PSG8: variants seen among roughly 807,000 people sequenced by gnomAD.
PSG8 encodes pregnancy-specific beta-1-glycoprotein 8.
In PSG8, 57 loss-of-function variants were observed where a neutral mutation model predicts 42.5. The ratio of observed to expected loss-of-function variants is 1.34; its 90% CI spans 1.08 to 1.67. The LOEUF (loss-of-function observed/expected upper bound fraction) is 1.67, where lower values mean the gene tolerates loss of function less well. Ranked by LOEUF, PSG8 falls within the 40% of genes most tolerant of loss-of-function variation. The pLI is 0.00. For synonymous variants in PSG8, 280 were observed against 196.8 expected (o/e 1.42, Z -3.54); for missense variants, 783 against 518.6 (o/e 1.51, Z -4.95).
intron 2 of PSG8, among the ~76,000 whole-genome samples, chr19:42,759,338 G>A (rs779266414): frequency 7.2e-5 from 11 of 152,102 alleles, no homozygotes; most frequent in Non-Finnish European, 1.0e-4. Context: ...GCAATAGGGC[G>A]TTGTTCCATG....
Position 42,755,730 on chromosome 19 carries a change from T to C in PSG8, c.710-464A>G, listed in dbSNP as rs565523851. 17 of 187,610 alleles carry C rather than the reference T, an allele frequency of 9.1e-5. No homozygotes were observed. In the East Asian group the frequency reaches 1.8e-3, roughly 20 times the overall value. 11.6% of individuals were successfully genotyped at this position (187,610 alleles called of 1,614,324 possible). A position where few individuals can be genotyped will look rare whatever the true frequency, so the allele number is the denominator to read the frequency against. ...TGAGTAATGATGGGACTACCCATGG[T>C]CCTGAAACCCTGAAGATACTGAGCA... On this transcript the variant is annotated intron_variant, in intron 3 of 4. Coordinates refer to ENST00000306511, the MANE Select transcript of PSG8 (RefSeq NM_182707.3).
chr19:42,759,431 G>A (rs1038866710), intron 2 of PSG8, among the ~76,000 whole-genome samples: 4 of 152,116 alleles, frequency 2.6e-5, no homozygotes, highest in Non-Finnish European at 5.9e-5. Flanking sequence ...TACAGATAAA[G>A]TGCTCCTTAT....
intron 2 of PSG8, 147 bp downstream of exon 2, chr19:42,763,769 G>A: frequency 6.9e-7 from 1 of 1,452,318 alleles, no homozygotes; most frequent in South Asian, 1.2e-5. Flanking sequence ...TCTCCTCTGT[G>A]TGTGTCCTGC....
At chr19:42,755,319 A>G in intron 3 of PSG8, 53 bp from the exon 4 acceptor site, 8 of 1,589,890 alleles carry the variant, frequency 5.0e-6, no homozygotes, top group Non-Finnish European at 6.8e-6. Flanking sequence ...TGATTCCTCC[A>G]CAGGCATCCT....
intron 1 of PSG8, among the ~76,000 whole-genome samples, chr19:42,765,146 C>G (rs1373873010): frequency 1.4e-5 from 2 of 147,032 alleles, no homozygotes; most frequent in Non-Finnish European, 3.0e-5. Flanking sequence ...TTTCCTTTTT[C>G]TCTTTTTTCT....
chr19:42,755,399 G>A, intron 3 of PSG8, 133 bp from the exon 4 acceptor site: 1 of 1,487,562 alleles, frequency 6.7e-7, no homozygotes, highest in South Asian at 1.3e-5. Flanking sequence ...TGGTGCGTGT[G>A]TCACAAGACA....
At chr19:42,762,085 C>T (rs1970090430) in intron 2 of PSG8, among the ~76,000 whole-genome samples, 1 of 151,368 alleles carries the variant, frequency 6.6e-6, no homozygotes, top group Non-Finnish European at 1.5e-5. Flanking sequence ...GGGAGGTGGG[C>T]CAGGCCACAG....
chr19:42,753,025 A>C (rs1969820032), downstream of PSG8: 4 of 553,406 alleles, frequency 7.2e-6, no homozygotes, highest in East Asian at 1.2e-4. Flanking sequence ...TAATGACTGC[A>C]TTATCCTGCC....
intron 2 of PSG8, among the ~76,000 whole-genome samples, chr19:42,763,076 T>C (rs1414888893): frequency 6.6e-6 from 1 of 152,196 alleles, no homozygotes; most frequent in African/African-American, 2.4e-5. Context: ...AAATGTTAAA[T>C]GATTCACAGT....
In PSG8 at chr19:42,754,607, G is replaced by T; in HGVS notation, c.989-20C>A. On this transcript the variant is annotated intron_variant, in intron 4 of 4. Transcript: ENST00000306511. ...GACCATCTGGAGCAAAGAGAATAAAGCCACAGGTGATGTCATCTGAGGGAA... is the reference window on the plus strand; with the variant it reads ...GACCATCTGGAGCAAAGAGAATAAATCCACAGGTGATGTCATCTGAGGGAA... 6.2e-7 allele frequency: 1 copy of T among 1,604,006 alleles called. No individual in the cohort carries two copies.
In PSG8 at chr19:42,758,008, G is replaced by C; in HGVS notation, c.703C>G (p.Leu235Val). 4 of 1,614,046 alleles carry C rather than the reference G, an allele frequency of 2.5e-6. No individual in the cohort carries two copies. Among genetic ancestry groups the C allele is most frequent in the Non-Finnish European group, 3.4e-6 (4 of 1,179,960 alleles). Residue 235 changes from leucine (L) to valine (V), a missense_variant, in exon 3 of 5, where the codon CTC (leucine) becomes GTC (valine). Transcript: ENST00000306511. ...AGGAACAGAAAATACTCACGGAGGA[G>C]ATTCAGGGTGAATGGGTCACTGCGG... The part of the protein sequence containing the change: ...ASRSDPFTLN[L>V]LPKLPKPYIT...
rs116767543 is a variant in PSG8 at position 42,763,941 on chromosome 19, A to G, written c.405T>C (p.Thr135=). The change falls in exon 2 of 5, where the codon ACT becomes ACC. Residue 135 remains threonine, a synonymous_variant. Coordinates refer to ENST00000306511, the MANE Select transcript of PSG8 (RefSeq NM_182707.3). ...IMGGDENRGV[T]GHFTFTLYLE... ...GATATAAGGTGAAGGTGAAATGTCC[A>G]GTTACTCCTCTATTCTCATCACCTC... 2 of 1,613,780 alleles carry G rather than the reference A, an allele frequency of 1.2e-6. No homozygotes were observed. Among genetic ancestry groups the G allele is most frequent in the African/African-American group, 2.7e-5 (2 of 74,978 alleles).
downstream of PSG8, chr19:42,753,301 G>C (rs192494501): frequency 6.4e-6 from 5 of 780,280 alleles, no homozygotes; most frequent in South Asian, 6.7e-5. Context: ...CTGGAACAGA[G>C]TGGGTCTTTT....
intron 3 of PSG8, among the ~76,000 whole-genome samples, chr19:42,756,292 C>A (rs897069578): frequency 6.6e-6 from 1 of 152,138 alleles, no homozygotes; most frequent in African/African-American, 2.4e-5. Context: ...GAAGAGACTG[C>A]TGGTTGCCAG....
Position 42,755,257 on chromosome 19 carries a change from G to T in PSG8, c.719C>A (p.Pro240His). The T allele has an allele frequency of 1.2e-6, 2 of 1,612,116 alleles. No individual in the cohort carries two copies. Among genetic ancestry groups the T allele is most frequent in the South Asian group, 1.1e-5 (1 of 90,996 alleles). ...GTTGTTGATGGTGATGTAGGGCTTG[G>T]GCAGCTTCGCTGTGTGGATAACAGA... ...PFTLNLLPKLPKPYITINNLK... is the reference protein window; with the variant it reads ...PFTLNLLPKLHKPYITINNLK... The change falls in exon 4 of 5, where the codon CCC becomes CAC. Residue 240 changes from proline (P) to histidine (H), a missense_variant. Coordinates refer to ENST00000306511, the MANE Select transcript of PSG8 (RefSeq NM_182707.3).
At chr19:42,757,587 T>C (rs1302997654) in intron 3 of PSG8, among the ~76,000 whole-genome samples, 2 of 152,082 alleles carry the variant, frequency 1.3e-5, no homozygotes, top group Non-Finnish European at 2.9e-5. Flanking sequence ...GGTGGGGGCA[T>C]CCAGGCCATG....
chr19:42,762,386 G>T (rs1970099370), intron 2 of PSG8, among the ~76,000 whole-genome samples: 1 of 152,050 alleles, frequency 6.6e-6, no homozygotes, highest in Admixed American at 6.6e-5. Context: ...TACATGAGCT[G>T]GGGTGGCTTT....
intron 2 of PSG8, among the ~76,000 whole-genome samples, chr19:42,762,591 C>G (rs559018301): frequency 2.6e-5 from 4 of 152,052 alleles, no homozygotes; most frequent in South Asian, 2.1e-4. Flanking sequence ...TGGGCCTGTG[C>G]TGGTGTAGGG....
At chr19:42,761,693 C>T (rs56200329) in intron 2 of PSG8, among the ~76,000 whole-genome samples, 5 of 151,778 alleles carry the variant, frequency 3.3e-5, no homozygotes, top group South Asian at 2.1e-4. Flanking sequence ...CCTGAAACTA[C>T]CCTTGAATAT....
Sources: gnomAD v4.1 joint callset for allele counts (sites outside exome capture counted in the v4.1 genomes callset) on GRCh38, gnomAD v4.1.1 for gene constraint, MANE v1.5 for transcripts, NCBI Gene and HGNC (gene_info 2026-07-23, HGNC 2026-07-21) for gene names.